The following PCDH15 variants were observed in gnomAD, a reference collection of about 807,000 sequenced individuals.
PCDH15 encodes the protein protocadherin-15.
Under a neutral mutation model 178.5 loss-of-function variants are expected in PCDH15, and 129 were observed. That is an observed-to-expected ratio of 0.72 (90% CI 0.63 to 0.84). The LOEUF (loss-of-function observed/expected upper bound fraction) is 0.84, where lower values mean the gene tolerates loss of function less well. Among genes scored for constraint, PCDH15 ranks in the 40% least tolerant of loss-of-function variants. The probability of loss-of-function intolerance (pLI) is 0.00; values close to 1 mark genes in which losing one functional copy is unlikely to be tolerated. For missense variants in PCDH15, 2,230 were observed against 2,099.9 expected, an observed-to-expected ratio of 1.06 and a Z score of -1.21; for synonymous variants, 800 against 732.0, an observed-to-expected ratio of 1.09 and a Z score of -1.50.
At chr10:54,368,154 C>A (rs1947090725) in intron 5 of PCDH15, among the ~76,000 whole-genome samples, 1 of 151,826 alleles carries the variant, frequency 6.6e-6, no homozygotes, top group South Asian at 2.1e-4. Context: ...TCTCAGATTA[C>A]AAGGAACATA....
intron 3 of PCDH15, among the ~76,000 whole-genome samples, chr10:54,857,852 T>G (rs1953767878): frequency 6.6e-6 from 1 of 152,188 alleles, no homozygotes; most frequent in African/African-American, 2.4e-5. Context: ...CAAATAAAAA[T>G]TATATAAATG....
In PCDH15 at chr10:54,005,723, T is replaced by C. The variant is rs149268589; in HGVS notation, c.2752-9958A>G. Among the ~76,000 whole-genome samples the C allele has an allele frequency of 7.0e-3, 1,069 of 152,114 alleles. 10 individuals carry two copies. The highest frequency in any genetic ancestry group is 0.022 in the African/African-American group (893 of 41,464). On this transcript the variant is annotated intron_variant, in intron 20 of 37. Transcript: ENST00000644397. ...CACTGATGGTGGGAATGCAAATTAGTACAACCACTATGGAGAACAGTATGG... is the reference window on the plus strand; with the variant it reads ...CACTGATGGTGGGAATGCAAATTAGCACAACCACTATGGAGAACAGTATGG...
rs986678062 is a variant in PCDH15 at position 55,252,390 on chromosome 10, G to C, written c.-156+67209C>G. On this transcript the variant is annotated intron_variant, in intron 1 of 5. Coordinates refer to the PCDH15 transcript ENST00000458638. ...ATGTAATCCTGTCTTAGAATAAAGA[G>C]GTTATTAAAAAATGGAATATCCACT... Among the ~76,000 whole-genome samples, 6 of 151,544 alleles carry C rather than the reference G, an allele frequency of 4.0e-5. No individual in the cohort carries two copies. The South Asian group carries it at 6.3e-4, about 16-fold the overall frequency.
intron 2 of PCDH15, among the ~76,000 whole-genome samples, chr10:55,070,052 G>A (rs1841686858): frequency 6.6e-6 from 1 of 151,534 alleles, no homozygotes; most frequent in Non-Finnish European, 1.5e-5. Context: ...TTTTTCATGT[G>A]TTTTTTGGCT....
At chr10:55,264,898 C>A (rs1402656299) in intron 1 of PCDH15, among the ~76,000 whole-genome samples, 2 of 152,144 alleles carry the variant, frequency 1.3e-5, no homozygotes, top group African/African-American at 4.8e-5. Context: ...GCTTTCTATA[C>A]TTTGCAAGGC....
At chr10:54,566,974 C>G (rs1356027641) in intron 2 of PCDH15, among the ~76,000 whole-genome samples, 1 of 152,132 alleles carries the variant, frequency 6.6e-6, no homozygotes, top group East Asian at 1.9e-4. Flanking sequence ...TCTTCTTGCT[C>G]CACATGTTCA....
chr10:55,169,910 T>C (rs902290343), intron 1 of PCDH15, among the ~76,000 whole-genome samples: 1 of 152,122 alleles, frequency 6.6e-6, no homozygotes, highest in Non-Finnish European at 1.5e-5. Context: ...ATAAATAATG[T>C]TATTAACCAT....
chr10:54,542,175 G>A (rs557172923), intron 2 of PCDH15, among the ~76,000 whole-genome samples: 3 of 152,172 alleles, frequency 2.0e-5, no homozygotes, highest in Non-Finnish European at 2.9e-5. Flanking sequence ...CTTAAGTGAA[G>A]TAATATAGGC....
chr10:54,296,102 G>A (rs1482463170), intron 8 of PCDH15, among the ~76,000 whole-genome samples: 41 of 123,332 alleles, frequency 3.3e-4, no homozygotes, highest in Admixed American at 1.4e-3. Context: ...CCGAGATCCC[G>A]CCACTGCACT....
At chr10:55,260,439 T>G (rs1369882988) in intron 1 of PCDH15, among the ~76,000 whole-genome samples, 3 of 152,098 alleles carry the variant, frequency 2.0e-5, no homozygotes, top group Non-Finnish European at 4.4e-5. Flanking sequence ...GTACATTATT[T>G]TCGAGAAGAA....
intron 3 of PCDH15, among the ~76,000 whole-genome samples, chr10:54,389,224 T>A (rs898521873): frequency 6.6e-5 from 10 of 152,194 alleles, no homozygotes; most frequent in Non-Finnish European, 1.3e-4. Flanking sequence ...ATATACTTGT[T>A]AAATCTTGCT....
At chr10:55,490,357 T>C (rs1840385016) in intron 2 of PCDH15, among the ~76,000 whole-genome samples, 1 of 151,544 alleles carries the variant, frequency 6.6e-6, no homozygotes, top group African/African-American at 2.4e-5. Context: ...CAGCCATGAG[T>C]CTATGGTTGA....
At chr10:54,976,625 T>C (rs1322935983) in intron 2 of PCDH15, among the ~76,000 whole-genome samples, 1 of 152,110 alleles carries the variant, frequency 6.6e-6, no homozygotes, top group African/African-American at 2.4e-5. Context: ...AAAAGACCAA[T>C]CTTAGGTTCT....
chr10:54,129,009 G>A (rs2042207211), intron 15 of PCDH15, among the ~76,000 whole-genome samples: 1 of 152,150 alleles, frequency 6.6e-6, no homozygotes, highest in African/African-American at 2.4e-5. Flanking sequence ...CTAAAAGAAT[G>A]TGATGTAATG....
chr10:54,423,721 T>C (rs954501083), intron 3 of PCDH15, among the ~76,000 whole-genome samples: 3 of 151,848 alleles, frequency 2.0e-5, no homozygotes, highest in Non-Finnish European at 2.9e-5. Context: ...AGGGATGACA[T>C]GAATTTGGGA....
rs763549706 is a variant in PCDH15 at position 53,938,839 on chromosome 10, C to T, written c.3349G>A (p.Ala1117Thr). ...VQADSLEVVLANLRVPSKSNT... is the reference protein window; with the variant it reads ...VQADSLEVVLTNLRVPSKSNT... ...CTTTTTGAAGGAACTCGGAGATTGG[C>T]AAGGACCACTTCCAGGGAATCAGCT... Residue 1117 changes from alanine to threonine, a missense_variant, in exon 25 of 38, where the codon GCC becomes ACC. Transcript: ENST00000644397. 6.2e-7 allele frequency: 1 copy of T among 1,613,334 alleles called. No homozygotes were observed. The highest frequency in any genetic ancestry group is 1.3e-5 in the African/African-American group (1 of 74,890).
chr10:54,498,416 G>C (rs965000402), intron 3 of PCDH15, among the ~76,000 whole-genome samples: 11 of 152,074 alleles, frequency 7.2e-5, no homozygotes, highest in Non-Finnish European at 1.6e-4. Context: ...TTAATAAACA[G>C]CTAACAACAC....
At chr10:55,562,950 T>TCC (rs1400057480) in intron 2 of PCDH15, among the ~76,000 whole-genome samples, 1 of 151,988 alleles carries the variant, frequency 6.6e-6, no homozygotes, top group East Asian at 1.9e-4. Context: ...ACTTACAAAT[T>TCC]CCAGGAGAAA....
At chr10:55,591,470 G>T (rs914088427) in intron 2 of PCDH15, among the ~76,000 whole-genome samples, 3 of 151,692 alleles carry the variant, frequency 2.0e-5, no homozygotes, top group Non-Finnish European at 4.4e-5. Context: ...GTTATGATAG[G>T]TAGAACTTTT....
Sources: allele counts gnomAD v4.1 joint callset (sites outside exome capture counted in the v4.1 genomes callset), GRCh38; gene constraint gnomAD v4.1.1; transcripts MANE v1.5; gene names NCBI Gene and HGNC (gene_info 2026-07-23, HGNC 2026-07-21).